The following MDGA2 variants were observed in gnomAD, a reference collection of about 807,000 sequenced individuals.
The protein encoded by MDGA2 is MAM domain containing glycosylphosphatidylinositol anchor 2.
In MDGA2, 40 loss-of-function variants were observed where a neutral mutation model predicts 117.8. The ratio of observed to expected loss-of-function variants is 0.34; its 90% CI spans 0.26 to 0.44. The LOEUF is 0.44. Among genes scored for constraint, MDGA2 ranks in the 20% least tolerant of loss-of-function variants. The probability of loss-of-function intolerance (pLI) is 1.00; values close to 1 mark genes in which losing one functional copy is unlikely to be tolerated. For synonymous variants in MDGA2, 452 were observed against 439.0 expected, an observed-to-expected ratio of 1.03 and a Z score of -0.37; for missense variants, 1,123 against 1,250.6, an observed-to-expected ratio of 0.90 and a Z score of 1.54.
At chr14:47,437,256 T>C (rs958078983) in intron 1 of MDGA2, among the ~76,000 whole-genome samples, 2 of 152,094 alleles carry the variant, frequency 1.3e-5, no homozygotes, top group Non-Finnish European at 2.9e-5. Context: ...AATATTCAAC[T>C]GTCTTGTGCC....
intron 1 of MDGA2, among the ~76,000 whole-genome samples, chr14:47,653,078 TAGAACC>T (rs1897674414): frequency 9.2e-6 from 1 of 108,980 alleles, no homozygotes. Flanking sequence ...GCTATCCCAG[TAGAACC>T]TCAATATCCC....
At chr14:47,637,491 C>A (rs1478008939) in intron 1 of MDGA2, among the ~76,000 whole-genome samples, 2 of 152,118 alleles carry the variant, frequency 1.3e-5, no homozygotes, top group Non-Finnish European at 2.9e-5. Flanking sequence ...CTTAAAATAA[C>A]CAGTACAAAA....
intron 1 of MDGA2, among the ~76,000 whole-genome samples, chr14:47,472,949 C>A (rs1398843818): frequency 6.6e-6 from 1 of 151,822 alleles, no homozygotes; most frequent in Non-Finnish European, 1.5e-5. Flanking sequence ...TATTCTCCAA[C>A]CAATTAAAAA....
intron 8 of MDGA2, among the ~76,000 whole-genome samples, chr14:46,987,844 T>C (rs1482769632): frequency 6.6e-6 from 1 of 151,254 alleles, no homozygotes; most frequent in African/African-American, 2.4e-5. Flanking sequence ...GAAGGGGACA[T>C]CTTCCTTACT....
At chr14:47,290,181 T>C (rs1457889927) in intron 2 of MDGA2, among the ~76,000 whole-genome samples, 3 of 152,098 alleles carry the variant, frequency 2.0e-5, no homozygotes, top group Non-Finnish European at 4.4e-5. Context: ...TATTTTGGAA[T>C]CCTAATCCCC....
At chr14:47,271,039 C>T (rs1316480633) in intron 2 of MDGA2, among the ~76,000 whole-genome samples, 1 of 152,128 alleles carries the variant, frequency 6.6e-6, no homozygotes, top group Non-Finnish European at 1.5e-5. Flanking sequence ...TGTAGGATTA[C>T]TAACTTTAGT....
chr14:46,929,601 G>GTATATATATA (rs756528353), intron 9 of MDGA2, among the ~76,000 whole-genome samples: 11 of 12,672 alleles, frequency 8.7e-4, no homozygotes, highest in Non-Finnish European at 1.8e-3. Flanking sequence ...GTGTGTGTGT[G>GTATATATATA]TATATATATA....
intron 1 of MDGA2, among the ~76,000 whole-genome samples, chr14:47,357,068 T>C (rs558746518): frequency 6.6e-6 from 1 of 152,318 alleles, no homozygotes; most frequent in African/African-American, 2.4e-5. Context: ...AGACTACTTC[T>C]CCCCTTTGGG....
At chr14:47,289,750 A>G (rs1008617982) in intron 2 of MDGA2, among the ~76,000 whole-genome samples, 13 of 152,118 alleles carry the variant, frequency 8.5e-5, no homozygotes, top group African/African-American at 3.1e-4. Flanking sequence ...TACTTATTTC[A>G]TATCAACTCT....
intron 1 of MDGA2, among the ~76,000 whole-genome samples, chr14:47,424,379 C>T (rs771717496): frequency 2.7e-5 from 4 of 150,470 alleles, no homozygotes; most frequent in African/African-American, 4.9e-5. Context: ...ACCATGATCA[C>T]GCCACTGCCC....
chr14:47,201,046 G>T (rs1228607906), intron 3 of MDGA2: 9 of 1,128,804 alleles, frequency 8.0e-6, no homozygotes, highest in South Asian at 6.1e-5. Context: ...CACAATGGCC[G>T]CCAGGCGGCC....
intron 1 of MDGA2, among the ~76,000 whole-genome samples, chr14:47,342,256 TTA>T (rs10536485): frequency 0.23 from 30,246 of 133,744 alleles, 3,501 homozygotes; most frequent in East Asian, 0.51. Context: ...CACAAAATGT[TTA>T]TATATATATA....
chr14:47,382,695 C>T (rs74767454), intron 1 of MDGA2, among the ~76,000 whole-genome samples: 1 of 152,138 alleles, frequency 6.6e-6, no homozygotes, highest in Non-Finnish European at 1.5e-5. Flanking sequence ...ATTAAAAAGT[C>T]AGGAAACAAC....
At chr14:47,481,566 A>C (rs1297741271) in intron 1 of MDGA2, among the ~76,000 whole-genome samples, 1 of 152,002 alleles carries the variant, frequency 6.6e-6, no homozygotes, top group Admixed American at 6.6e-5. Flanking sequence ...CTACAGACAA[A>C]AGTAATCAAA....
intron 2 of MDGA2, among the ~76,000 whole-genome samples, chr14:47,237,042 G>C (rs142298321): frequency 5.1e-4 from 78 of 152,158 alleles, no homozygotes; most frequent in African/African-American, 1.8e-3. Flanking sequence ...TATAAAAATA[G>C]CTATTGCCTC....
At position 46,920,062 on chromosome 14, in the gene MDGA2, T is replaced by A; in HGVS notation, c.2188A>T (p.Asn730Tyr). Residue 730 changes from asparagine (N) to tyrosine (Y), a missense_variant, in exon 10 of 17, where the codon AAT (asparagine) becomes TAT (tyrosine). Physicochemically the swap from Asn to Tyr is moderately radical, Grantham distance 143. This residue lies in a region of MDGA2 where 890 missense variants were observed against 1,050.3 expected (regional missense o/e 0.85). Coordinates refer to ENST00000399232, the MANE Select transcript of MDGA2 (RefSeq NM_001113498.3). ...YSYSLQWTQM[N>Y]PDAVDRIVAY... is the part of the protein sequence containing the mutation. ...ACAATCCGATCCACTGCATCAGGAT[T>A]CATCTGTGTCCACTGTAGACTGTAA... 6.2e-7 allele frequency: 1 copy of A among 1,603,576 alleles called. No homozygotes were observed. Among genetic ancestry groups the A allele is most frequent in the Non-Finnish European group, 8.5e-7 (1 of 1,175,866 alleles).
chr14:47,352,723 C>G lies in MDGA2; in HGVS notation c.281-51173G>C, dbSNP rs140810402. Among the ~76,000 whole-genome samples, 42 of 152,286 alleles carry G rather than the reference C, an allele frequency of 2.8e-4. No homozygotes were observed. The South Asian group carries it at 6.2e-3, about 23-fold the overall frequency. ...TCAGTAAAGTTACTACAATACTATTCCCTACATTTCAATATCTCCCATTTT... is the reference window on the plus strand; with the variant it reads ...TCAGTAAAGTTACTACAATACTATTGCCTACATTTCAATATCTCCCATTTT... On this transcript the variant is annotated intron_variant, in intron 1 of 16. Transcript: ENST00000399232.
intron 2 of MDGA2, among the ~76,000 whole-genome samples, chr14:47,291,830 G>A (rs1888900327): frequency 6.6e-6 from 1 of 152,190 alleles, no homozygotes; most frequent in South Asian, 2.1e-4. Context: ...AGACCATCGT[G>A]TAATCATCTC....
At chr14:47,077,384 C>T (rs1890534311) in intron 6 of MDGA2, among the ~76,000 whole-genome samples, 1 of 152,054 alleles carries the variant, frequency 6.6e-6, no homozygotes. Flanking sequence ...TGTACATGAA[C>T]TTTATCATAT....
Sources: allele counts gnomAD v4.1 joint callset (sites outside exome capture counted in the v4.1 genomes callset), GRCh38; gene constraint gnomAD v4.1.1; regional missense constraint gnomAD v4.1.1; transcripts MANE v1.5; gene names NCBI Gene and HGNC (gene_info 2026-07-23, HGNC 2026-07-21).